The following FIGN variants were observed in gnomAD, a reference collection of about 807,000 sequenced individuals.
FIGN encodes the protein fidgetin, microtubule severing factor.
Under a neutral mutation model 51.3 loss-of-function variants are expected in FIGN, and 11 were observed. That is an observed-to-expected ratio of 0.21 (90% confidence interval 0.13 to 0.35). FIGN has a LOEUF of 0.35. Ranked by LOEUF, FIGN falls within the 10% of genes least tolerant of loss-of-function variation. The pLI is 1.00. For synonymous variants in FIGN, 407 were observed against 363.2 expected, an observed-to-expected ratio of 1.12 and a Z score of -1.37; for missense variants, 857 against 943.6, an observed-to-expected ratio of 0.91 and a Z score of 1.20.
chr2:163,712,257 C>A (rs912949728), intron 2 of FIGN, among the ~76,000 whole-genome samples: 6 of 152,158 alleles, frequency 3.9e-5, no homozygotes, highest in African/African-American at 7.2e-5. Flanking sequence ...AAGTGCATAT[C>A]TAATGGAGTT....
chr2:163,707,830 C>T (rs1684526085), intron 2 of FIGN, among the ~76,000 whole-genome samples: 1 of 151,980 alleles, frequency 6.6e-6, no homozygotes, highest in Non-Finnish European at 1.5e-5. Context: ...AGGAAAAATA[C>T]ATATTTAACA....
Position 163,686,771 on chromosome 2 carries a change from TACAC to T in FIGN, c.25+48128_25+48131del, listed in dbSNP as rs770168995. Among the ~76,000 whole-genome samples the T allele has an allele frequency of 1.1e-3, 113 of 105,280 alleles. 1 individual carries two copies. Among genetic ancestry groups the T allele is most frequent in the Non-Finnish European group, 2.0e-3 (96 of 47,730 alleles). The allele number at this position is 105,280 out of a possible 152,430, so 69.1% of individuals were successfully genotyped here. A position where few individuals can be genotyped will look rare whatever the true frequency, so the allele number is the denominator to read the frequency against. On this transcript the variant is annotated intron_variant, in intron 2 of 2. Transcript: ENST00000333129. ...ATGTATGTATGTGTATATATATATA[TACAC>T]ATACACACACACACACACACATATA...
At chr2:163,626,419 A>G in intron 2 of FIGN, among the ~76,000 whole-genome samples, 1 of 152,160 alleles carries the variant, frequency 6.6e-6, no homozygotes, top group East Asian at 1.9e-4. Flanking sequence ...ACAACCTTAA[A>G]CAAATTTATT....
At chr2:163,685,676 T>C (rs927006963) in intron 2 of FIGN, among the ~76,000 whole-genome samples, 1 of 152,198 alleles carries the variant, frequency 6.6e-6, no homozygotes, top group African/African-American at 2.4e-5. Flanking sequence ...AGTATCGTTA[T>C]CTGAAGTAAG....
rs753265629 is a variant in FIGN at position 163,700,464 on chromosome 2, C to T, written c.25+34439G>A. 2.8e-4 allele frequency among the ~76,000 whole-genome samples: 42 copies of T among 151,986 alleles called. 1 individual carries two copies. The highest frequency in any genetic ancestry group is 4.6e-4 in the Non-Finnish European group (31 of 68,006). ...AGAAGCAGGATTTGTCGCAGAATGGCGACAGTGAGAACTCAGAAGGGTCTG... is the reference window on the plus strand; with the variant it reads ...AGAAGCAGGATTTGTCGCAGAATGGTGACAGTGAGAACTCAGAAGGGTCTG... On this transcript the variant is annotated intron_variant, in intron 2 of 2. Transcript: ENST00000333129.
chr2:163,704,240 C>T (rs1465826083), intron 2 of FIGN, among the ~76,000 whole-genome samples: 2 of 152,078 alleles, frequency 1.3e-5, no homozygotes, highest in Non-Finnish European at 2.9e-5. Flanking sequence ...GAGCTTTCCC[C>T]TCATCAAATC....
At chr2:163,660,454 G>A (rs1683635160) in intron 2 of FIGN, among the ~76,000 whole-genome samples, 1 of 151,934 alleles carries the variant, frequency 6.6e-6, no homozygotes, top group Non-Finnish European at 1.5e-5. Flanking sequence ...ATTTATGGAA[G>A]TGCTGACAAC....
intron 2 of FIGN, among the ~76,000 whole-genome samples, chr2:163,626,972 T>C (rs942596111): frequency 5.9e-5 from 9 of 152,110 alleles, no homozygotes; most frequent in Non-Finnish European, 1.3e-4. Context: ...TTACCCTATA[T>C]AGTCTAAAAA....
intron 2 of FIGN, among the ~76,000 whole-genome samples, chr2:163,676,055 T>C (rs1683958267): frequency 6.6e-6 from 1 of 151,632 alleles, no homozygotes; most frequent in African/African-American, 2.4e-5. Context: ...TTTTTAATTA[T>C]TTTAATCCTC....
intron 2 of FIGN, among the ~76,000 whole-genome samples, chr2:163,716,853 G>A (rs1337675681): frequency 1.3e-5 from 2 of 152,040 alleles, no homozygotes; most frequent in African/African-American, 4.8e-5. Context: ...CCTAAAGCAA[G>A]TGACCTCTTA....
rs1324715365 is a variant in FIGN, at chr2:163,715,412, C to G, written c.25+19491G>C. On this transcript the variant is annotated intron_variant, in intron 2 of 2. Coordinates refer to ENST00000333129, the MANE Select transcript of FIGN (RefSeq NM_018086.4). ...TTCCTCCTTGCTGATGAGGAGGACGCCTGTCCCCTGGGGAAGGAAAAACTA... is the reference window on the plus strand; with the variant it reads ...TTCCTCCTTGCTGATGAGGAGGACGGCTGTCCCCTGGGGAAGGAAAAACTA... 2.0e-5 allele frequency among the ~76,000 whole-genome samples: 3 copies of G among 152,106 alleles called. No homozygotes were observed. In the East Asian group the frequency reaches 5.8e-4, roughly 29 times the overall value.
At chr2:163,620,989 G>T (rs989060211) in intron 2 of FIGN, among the ~76,000 whole-genome samples, 7 of 151,760 alleles carry the variant, frequency 4.6e-5, no homozygotes, top group African/African-American at 1.7e-4. Context: ...AACAAATTAA[G>T]AAATCTTCCA....
rs997205106 is a variant in FIGN, at chr2:163,603,547, A to G, written c.*6005T>C. ...ACAAAACAAAAACCCTCTCTTAATC[A>G]CTACTAGACAGCCTCTAGACAATAC... On this transcript the variant is annotated 3_prime_UTR_variant, in exon 3 of 3. Transcript: ENST00000333129. 6 of 152,128 alleles carry G rather than the reference A, an allele frequency of 3.9e-5. No individual in the cohort carries two copies. Among genetic ancestry groups the G allele is most frequent in the African/African-American group, 1.4e-4 (6 of 41,446 alleles). 9.4% of individuals were successfully genotyped at this position (152,128 alleles called of 1,614,324 possible).
intron 2 of FIGN, among the ~76,000 whole-genome samples, chr2:163,709,460 C>G (rs1034436343): frequency 1.3e-5 from 2 of 152,078 alleles, no homozygotes; most frequent in African/African-American, 4.8e-5. Flanking sequence ...AAATCATCAG[C>G]GACCTACAGC....
At chr2:163,617,204 A>C in intron 2 of FIGN, 1 of 985,208 alleles carries the variant, frequency 1.0e-6, no homozygotes, top group Non-Finnish European at 1.2e-6. Context: ...AGAAAGGGAA[A>C]AAAGTGAGGA....
At chr2:163,634,686 C>T (rs899776291) in intron 2 of FIGN, among the ~76,000 whole-genome samples, 13 of 152,198 alleles carry the variant, frequency 8.5e-5, no homozygotes, top group African/African-American at 3.1e-4. Context: ...AAACATGAAT[C>T]CTCTATAGCA....
At chr2:163,677,344 C>T (rs986221469) in intron 2 of FIGN, among the ~76,000 whole-genome samples, 1 of 152,176 alleles carries the variant, frequency 6.6e-6, no homozygotes, top group Non-Finnish European at 1.5e-5. Flanking sequence ...TCCCAAATAC[C>T]TTAACCCCAC....
At position 163,650,086 on chromosome 2, in the gene FIGN, A is replaced by G. The variant is rs145459959; in HGVS notation, c.26-38280T>C. Among the ~76,000 whole-genome samples, 268 of 152,270 alleles carry G rather than the reference A, an allele frequency of 1.8e-3. 1 individual carries two copies. The highest frequency in any genetic ancestry group is 6.1e-3 in the African/African-American group (254 of 41,566). The stretch of plus-strand genomic sequence containing the variant: ...GAAGGAGAGAGACTGACACATAGAG[A>G]AAGGCTTGAAATTTAATTATTTGTG... On this transcript the variant is annotated intron_variant, in intron 2 of 2. Transcript: ENST00000333129.
intron 2 of FIGN, among the ~76,000 whole-genome samples, chr2:163,660,215 G>A (rs1173916122): frequency 1.3e-5 from 2 of 152,034 alleles, no homozygotes; most frequent in Non-Finnish European, 2.9e-5. Flanking sequence ...TGTTATTCTG[G>A]GGCCTCTGCA....
Sources: gnomAD v4.1 joint callset for allele counts (sites outside exome capture counted in the v4.1 genomes callset) on GRCh38, gnomAD v4.1.1 for gene constraint, MANE v1.5 for transcripts, NCBI Gene and HGNC (gene_info 2026-07-23, HGNC 2026-07-21) for gene names.